Variants in ERC2 observed in about 807,000 individuals in gnomAD.
ERC2 encodes the protein ELKS/RAB6-interacting/CAST family member 2, also known as ERC protein 2.
ERC2 carries 42 observed loss-of-function variants against 114.8 expected under a neutral mutation model. That is an observed-to-expected ratio of 0.37 (90% CI 0.29 to 0.47). ERC2 has a LOEUF of 0.47. Among genes scored for constraint, ERC2 ranks in the 20% least tolerant of loss-of-function variants. The probability of loss-of-function intolerance (pLI) is 0.99; values close to 1 mark genes in which losing one functional copy is unlikely to be tolerated. For missense variants in ERC2, 939 were observed against 1,150.7 expected (o/e 0.82, Z 2.66); for synonymous variants, 454 against 425.5 (o/e 1.07, Z -0.82).
At chr3:56,277,471 A>T (rs1560508124) in intron 3 of ERC2, among the ~76,000 whole-genome samples, 1 of 152,108 alleles carries the variant, frequency 6.6e-6, no homozygotes, top group Non-Finnish European at 1.5e-5. Context: ...TGTCACAGGC[A>T]TTAGAAATGA....
intron 2 of ERC2, among the ~76,000 whole-genome samples, chr3:56,299,882 G>A (rs2055745498): frequency 6.6e-6 from 1 of 152,156 alleles, no homozygotes; most frequent in Non-Finnish European, 1.5e-5. Context: ...AAATAAGATT[G>A]GTCTTCTTAA....
intron 14 of ERC2, among the ~76,000 whole-genome samples, chr3:55,798,469 G>A (rs1004803679): frequency 4.6e-5 from 7 of 152,064 alleles, no homozygotes; most frequent in South Asian, 4.2e-4. Context: ...GTGGTGGCAC[G>A]TGCCTGTAGT....
At chr3:55,951,885 T>A (rs550028276) in intron 12 of ERC2, among the ~76,000 whole-genome samples, 101 of 152,150 alleles carry the variant, frequency 6.6e-4, no homozygotes, top group Non-Finnish European at 1.0e-3. Context: ...AAGAAACTCT[T>A]ATTTCTAGTC....
chr3:55,594,724 T>A (rs1008118991), intron 17 of ERC2, among the ~76,000 whole-genome samples: 51 of 152,280 alleles, frequency 3.3e-4, no homozygotes, highest in African/African-American at 1.2e-3. Context: ...CCTCAGGCGT[T>A]CCACTGACCT....
chr3:56,189,689 T>C (rs1466178), intron 3 of ERC2, among the ~76,000 whole-genome samples: 129,569 of 152,178 alleles, frequency 0.85, 56,464 homozygotes, highest in East Asian at 0.97. Context: ...CCCCATAGAA[T>C]TTTCCAACAT....
intron 2 of ERC2, among the ~76,000 whole-genome samples, chr3:56,332,994 T>C (rs962066194): frequency 3.9e-5 from 6 of 152,222 alleles, no homozygotes; most frequent in African/African-American, 1.4e-4. Context: ...AACAAAGAAA[T>C]GAATTCTTAG....
At chr3:56,236,856 T>C (rs1224344422) in intron 3 of ERC2, among the ~76,000 whole-genome samples, 1 of 152,174 alleles carries the variant, frequency 6.6e-6, no homozygotes, top group East Asian at 1.9e-4. Context: ...AAAGCCAACA[T>C]AAGCACAATT....
intron 7 of ERC2, among the ~76,000 whole-genome samples, chr3:56,033,776 A>T (rs2074621833): frequency 6.6e-6 from 1 of 152,038 alleles, no homozygotes; most frequent in Non-Finnish European, 1.5e-5. Context: ...CATCCCTCTC[A>T]GCCTACAAGA....
chr3:56,350,844 G>T (rs2058526036), intron 2 of ERC2, among the ~76,000 whole-genome samples: 1 of 152,190 alleles, frequency 6.6e-6, no homozygotes, highest in South Asian at 2.1e-4. Context: ...GTTTATCATG[G>T]ACTTACACAT....
At chr3:55,931,131 G>A (rs1482126228) in intron 13 of ERC2, among the ~76,000 whole-genome samples, 1 of 152,218 alleles carries the variant, frequency 6.6e-6, no homozygotes, top group African/African-American at 2.4e-5. Flanking sequence ...TGGAGAAATA[G>A]GGAGGCTTTT....
chr3:55,643,519 G>T (rs1034934598), intron 17 of ERC2, among the ~76,000 whole-genome samples: 1 of 152,078 alleles, frequency 6.6e-6, no homozygotes, highest in East Asian at 1.9e-4. Flanking sequence ...CCTTATTAGG[G>T]TTACAATCTT....
chr3:56,120,857 CTG>C (rs1298159907), intron 6 of ERC2, among the ~76,000 whole-genome samples: 2 of 152,174 alleles, frequency 1.3e-5, no homozygotes, highest in Admixed American at 1.3e-4. Context: ...CATCTGATAA[CTG>C]AACTTCAGGT....
chr3:56,430,342 C>A (rs1346359893), intron 2 of ERC2, among the ~76,000 whole-genome samples: 1 of 152,140 alleles, frequency 6.6e-6, no homozygotes, highest in Non-Finnish European at 1.5e-5. Context: ...AAACCCTAAA[C>A]AGCACAAAAA....
intron 2 of ERC2, among the ~76,000 whole-genome samples, chr3:56,347,927 T>C (rs2058369433): frequency 6.6e-6 from 1 of 152,214 alleles, no homozygotes; most frequent in Non-Finnish European, 1.5e-5. Context: ...AAGTAATTGG[T>C]GTAGCTTCTG....
intron 3 of ERC2, among the ~76,000 whole-genome samples, chr3:56,203,695 T>C (rs2048535857): frequency 6.6e-6 from 1 of 152,150 alleles, no homozygotes; most frequent in Admixed American, 6.6e-5. Context: ...AAACAAAATA[T>C]ACAAAGGTCA....
rs1576479885 is a variant in ERC2 at position 56,335,808 on chromosome 3, C to T, written c.658-39373G>A. Reference sequence around the variant, plus strand: ...GTGTCTCTACTCTGCTGTGAGTCGTCCTTCCATTCACTCATCGGCTGAATG... The same window carrying T: ...GTGTCTCTACTCTGCTGTGAGTCGTTCTTCCATTCACTCATCGGCTGAATG... On this transcript the variant is annotated intron_variant, in intron 2 of 17. Transcript: ENST00000288221. 2.0e-5 allele frequency among the ~76,000 whole-genome samples: 3 copies of T among 152,244 alleles called. 1 individual carries two copies. Among genetic ancestry groups the T allele is most frequent in the South Asian group, 4.1e-4 (2 of 4,822 alleles).
rs376817563 is a variant in ERC2, at chr3:56,148,950, A to G, written c.1305+27T>C. On this transcript the variant is annotated intron_variant, in intron 5 of 17. Coordinates refer to ENST00000288221, the MANE Select transcript of ERC2 (RefSeq NM_015576.3). ...GTAACTTTCTAGTCACATTAAGAAC[A>G]TAAAAGTTTATAACCCTGGACCGTA... The G allele has an allele frequency of 6.8e-6, 11 of 1,605,854 alleles. No homozygotes were observed. In the African/African-American group the frequency reaches 1.5e-4, roughly 21 times the overall value.
chr3:56,039,592 A>G (rs941448622), intron 7 of ERC2, among the ~76,000 whole-genome samples: 1 of 152,228 alleles, frequency 6.6e-6, no homozygotes, highest in African/African-American at 2.4e-5. Context: ...TACAGATGCA[A>G]ATCAATCTCT....
chr3:56,368,964 A>T (rs1265974303), intron 2 of ERC2, among the ~76,000 whole-genome samples: 1 of 152,230 alleles, frequency 6.6e-6, no homozygotes, highest in African/African-American at 2.4e-5. Context: ...ACAGAACTGG[A>T]AGGCTACTCC....
Sources: gnomAD v4.1 joint callset for allele counts (sites outside exome capture counted in the v4.1 genomes callset) on GRCh38, gnomAD v4.1.1 for gene constraint, MANE v1.5 for transcripts, NCBI Gene and HGNC (gene_info 2026-07-23, HGNC 2026-07-21) for gene names.